The following MIPOL1 variants were observed in gnomAD, a reference collection of about 807,000 sequenced individuals.
MIPOL1 encodes mirror-image polydactyly 1, also known as mirror-image polydactyly gene 1 protein.
A neutral mutation model predicts 60.9 loss-of-function variants in MIPOL1; 57 were observed. That is an observed-to-expected ratio of 0.94 (90% CI 0.76 to 1.17). The LOEUF (loss-of-function observed/expected upper bound fraction) is 1.17, where lower values mean the gene tolerates loss of function less well. Among genes scored for constraint, MIPOL1 ranks in the 50% most tolerant of loss-of-function variants. The pLI, the probability that MIPOL1 is intolerant of heterozygous loss-of-function variation, is 0.00. For missense variants in MIPOL1, 551 were observed against 511.6 expected (o/e 1.08, Z -0.74); for synonymous variants, 179 against 168.8 (o/e 1.06, Z -0.47).
intron 1 of MIPOL1, among the ~76,000 whole-genome samples, chr14:37,225,546 C>A (rs1416376469): frequency 6.6e-6 from 1 of 152,174 alleles, no homozygotes; most frequent in Admixed American, 6.5e-5. Flanking sequence ...TCAGCCATGG[C>A]TGGAGCAACT....
intron 11 of MIPOL1, among the ~76,000 whole-genome samples, chr14:37,454,249 G>T (rs17179078): frequency 6.6e-6 from 1 of 151,976 alleles, no homozygotes; most frequent in Non-Finnish European, 1.5e-5. Context: ...ACTCCAACTG[G>T]ATTACAGGCC....
intron 10 of MIPOL1, among the ~76,000 whole-genome samples, chr14:37,394,080 A>C (rs1242340811): frequency 7.3e-6 from 1 of 136,796 alleles, no homozygotes; most frequent in Non-Finnish European, 1.6e-5. Context: ...ATATATATAT[A>C]TATATCTCCA....
chr14:37,296,947 T>A (rs1189380292), intron 7 of MIPOL1, among the ~76,000 whole-genome samples: 4 of 152,134 alleles, frequency 2.6e-5, no homozygotes, highest in African/African-American at 9.7e-5. Flanking sequence ...CCTCCCTAAC[T>A]CGTTTTATGA....
At chr14:37,206,317 A>G (rs539077405) in intron 1 of MIPOL1, among the ~76,000 whole-genome samples, 34 of 152,328 alleles carry the variant, frequency 2.2e-4, no homozygotes, top group African/African-American at 7.5e-4. Context: ...GCAGGCCCGA[A>G]GCCTTGGAAG....
At chr14:37,401,794 A>T (rs2093487369) in intron 10 of MIPOL1, 1 of 152,138 alleles carries the variant, frequency 6.6e-6, no homozygotes, top group Admixed American at 6.6e-5. Context: ...CTATCTGAAA[A>T]TTTATAGATA....
intron 11 of MIPOL1, among the ~76,000 whole-genome samples, chr14:37,490,017 C>G (rs1950821): frequency 0.57 from 86,198 of 152,086 alleles, 25,782 homozygotes; most frequent in Non-Finnish European, 0.66. Context: ...AGCCATCAGG[C>G]AGGGATGTTT....
At chr14:37,476,851 G>A (rs974297693) in intron 11 of MIPOL1, among the ~76,000 whole-genome samples, 5 of 137,688 alleles carry the variant, frequency 3.6e-5, no homozygotes, top group Middle Eastern at 3.6e-3. Context: ...TAGGGTTTTT[G>A]TATCTATGTT....
chr14:37,218,848 C>T (rs1451784704), intron 1 of MIPOL1, among the ~76,000 whole-genome samples: 5 of 150,866 alleles, frequency 3.3e-5, no homozygotes, highest in South Asian at 2.1e-4. Context: ...TTGGTTGAGC[C>T]CAGGAATTTG....
intron 12 of MIPOL1, among the ~76,000 whole-genome samples, chr14:37,527,829 A>G (rs1337100749): frequency 6.6e-6 from 1 of 152,122 alleles, no homozygotes; most frequent in Non-Finnish European, 1.5e-5. Context: ...GTAAAACTAT[A>G]AAACCTGCCT....
intron 9 of MIPOL1, among the ~76,000 whole-genome samples, chr14:37,332,175 A>G (rs1382412894): frequency 6.6e-6 from 1 of 151,078 alleles, no homozygotes; most frequent in African/African-American, 2.4e-5. Context: ...CCTATTCTAT[A>G]TGATTCTAGC....
At chr14:37,529,929 AT>A (rs1483934932) in intron 12 of MIPOL1, among the ~76,000 whole-genome samples, 1 of 152,220 alleles carries the variant, frequency 6.6e-6, no homozygotes, top group Non-Finnish European at 1.5e-5. Context: ...ATAAGAAGCC[AT>A]TGCAGAGTTT....
chr14:37,373,236 C>T (rs1174089304), intron 10 of MIPOL1, among the ~76,000 whole-genome samples: 2 of 152,126 alleles, frequency 1.3e-5, no homozygotes, highest in African/African-American at 2.4e-5. Context: ...CTCCTGGCCT[C>T]AAGTGATCTG....
At chr14:37,375,933 ACTTAGT>A (rs2092765035) in intron 10 of MIPOL1, among the ~76,000 whole-genome samples, 1 of 151,908 alleles carries the variant, frequency 6.6e-6, no homozygotes, top group Non-Finnish European at 1.5e-5. Flanking sequence ...GCTCTTCCTT[ACTTAGT>A]CTTAATTGGT....
rs181337400 is a variant in MIPOL1 at position 37,386,627 on chromosome 14, C to T, written c.936+17003C>T. ...TGTCCTTCCCAAGCTCACTGATGAG[C>T]TCTAGGTTAAGAACCTGTATTCTAG... is the stretch of plus-strand genomic sequence containing the variant. On this transcript the variant is annotated intron_variant, in intron 10 of 12. Coordinates refer to ENST00000684589, the MANE Select transcript of MIPOL1 (RefSeq NM_001388067.1). Among the ~76,000 whole-genome samples the T allele has an allele frequency of 3.9e-5, 6 of 151,966 alleles. No individual in the cohort carries two copies. The East Asian group carries it at 9.7e-4, about 24-fold the overall frequency.
rs1268839040 is a variant in MIPOL1 at position 37,550,378 on chromosome 14, A to G, written c.*3407A>G. The G allele has an allele frequency of 2.0e-5, 3 of 151,632 alleles. No homozygotes were observed. The highest frequency in any genetic ancestry group is 7.2e-5 in the African/African-American group (3 of 41,504). The allele number at this position is 151,632 out of a possible 1,614,324, so 9.4% of individuals were successfully genotyped here. On this transcript the variant is annotated 3_prime_UTR_variant, in exon 13 of 13. Coordinates refer to ENST00000684589, the MANE Select transcript of MIPOL1 (RefSeq NM_001388067.1). Reference sequence around the variant, plus strand: ...TAAGGCATTCTATGATGAAATAGCCATGGCTTATATATTTTTGTCTTTTCA... The same window carrying G: ...TAAGGCATTCTATGATGAAATAGCCGTGGCTTATATATTTTTGTCTTTTCA...
chr14:37,273,007 A>T (rs1206825192), intron 6 of MIPOL1, among the ~76,000 whole-genome samples: 1 of 151,300 alleles, frequency 6.6e-6, no homozygotes, highest in Admixed American at 6.6e-5. Context: ...AAATATAGAG[A>T]TTTATATTTA....
chr14:37,221,429 C>G (rs905861995), intron 1 of MIPOL1, among the ~76,000 whole-genome samples: 7 of 152,128 alleles, frequency 4.6e-5, no homozygotes, highest in Admixed American at 1.3e-4. Context: ...AATACTGTCA[C>G]GTGGTGTGTT....
rs144579714 is a variant in MIPOL1, at chr14:37,451,140, A to G, written c.1031+28191A>G. On this transcript the variant is annotated intron_variant, in intron 11 of 12. Transcript: ENST00000684589. ...ATCTATATCACATTTATTCATCAAG[A>G]TTGATATTTTCTATGGAGTTATTGA... Among the ~76,000 whole-genome samples, 901 of 152,288 alleles carry G rather than the reference A, an allele frequency of 5.9e-3. 5 individuals are homozygous for G. The highest frequency in any genetic ancestry group is 0.019 in the African/African-American group (806 of 41,556).
chr14:37,241,486 G>C (rs1329904278), intron 1 of MIPOL1, among the ~76,000 whole-genome samples: 1 of 151,546 alleles, frequency 6.6e-6, no homozygotes, highest in Non-Finnish European at 1.5e-5. Context: ...GGGAGGCCGA[G>C]GTGGGAGAAT....
Sources: allele counts gnomAD v4.1 joint callset (sites outside exome capture counted in the v4.1 genomes callset), GRCh38; gene constraint gnomAD v4.1.1; transcripts MANE v1.5; gene names NCBI Gene and HGNC (gene_info 2026-07-23, HGNC 2026-07-21).